Variants in RAB7A observed in about 807,000 individuals in gnomAD.
The protein encoded by RAB7A is ras-related protein Rab-7a.
In RAB7A, 2 loss-of-function variants were observed where a neutral mutation model predicts 24.5. The ratio of observed to expected loss-of-function variants is 0.08; its 90% CI spans 0.03 to 0.26. RAB7A has a LOEUF of 0.26. RAB7A is among the 10% of genes least tolerant of loss of function. The pLI is 1.00. For synonymous variants in RAB7A, 100 were observed against 95.9 expected (o/e 1.04, Z -0.25); for missense variants, 118 against 255.7 (o/e 0.46, Z 3.67).
chr3:128,775,709 T>C (rs1933071853), intron 1 of RAB7A, among the ~76,000 whole-genome samples: 1 of 152,220 alleles, frequency 6.6e-6, no homozygotes, highest in African/African-American at 2.4e-5. Context: ...GGAATATAAA[T>C]CTAGCCCCAT....
intron 1 of RAB7A, among the ~76,000 whole-genome samples, chr3:128,736,208 T>C (rs1048263515): frequency 2.6e-5 from 4 of 152,160 alleles, no homozygotes; most frequent in Non-Finnish European, 4.4e-5. Flanking sequence ...GCTCAGTATC[T>C]TGGAGCCACT....
intron 1 of RAB7A, among the ~76,000 whole-genome samples, chr3:128,727,354 A>G (rs2070391099): frequency 6.6e-6 from 1 of 152,194 alleles, no homozygotes; most frequent in Non-Finnish European, 1.5e-5. Flanking sequence ...GCACTGTATT[A>G]AATTTCTAGG....
At chr3:128,778,215 T>C (rs909016620) in intron 1 of RAB7A, among the ~76,000 whole-genome samples, 2 of 152,210 alleles carry the variant, frequency 1.3e-5, no homozygotes, top group African/African-American at 4.8e-5. Flanking sequence ...AGAGACTGTA[T>C]TTGAGATCAT....
At chr3:128,728,601 T>G (rs1167962529) in intron 1 of RAB7A, among the ~76,000 whole-genome samples, 2 of 152,162 alleles carry the variant, frequency 1.3e-5, no homozygotes, top group East Asian at 3.8e-4. Flanking sequence ...TGGCTGGAAT[T>G]ACAGGCATGC....
At position 128,806,450 on chromosome 3, in the gene RAB7A, G is replaced by T. The variant is rs1412658156; in HGVS notation, c.259G>T (p.Val87Leu). Residue 87 changes from valine to leucine, a missense_variant, in exon 4 of 6, where the codon GTA becomes TTA. By Grantham distance (32) the Val-to-Leu change is conservative (BLOSUM62 1). This residue lies in a region of RAB7A where 52 missense variants were observed against 173.5 expected (regional missense o/e 0.30). Coordinates refer to ENST00000265062, the MANE Select transcript of RAB7A (RefSeq NM_004637.6). ...CAGAGGTGCAGACTGCTGCGTTCTG[G>T]TATTTGATGTGACTGCCCCCAACAC... ...FYRGADCCVL[V>L]FDVTAPNTFK... 6.2e-7 allele frequency: 1 copy of T among 1,613,804 alleles called. No homozygotes were observed. Among genetic ancestry groups the T allele is most frequent in the Non-Finnish European group, 8.5e-7 (1 of 1,179,980 alleles).
intron 1 of RAB7A, among the ~76,000 whole-genome samples, chr3:128,744,997 C>G (rs1344160351): frequency 1.3e-5 from 2 of 151,694 alleles, no homozygotes; most frequent in Non-Finnish European, 2.9e-5. Context: ...CCTCAGCATC[C>G]CGAGTAGCTG....
intron 1 of RAB7A, among the ~76,000 whole-genome samples, chr3:128,756,838 C>T (rs957597354): frequency 5.3e-5 from 8 of 150,718 alleles, no homozygotes; most frequent in African/African-American, 9.8e-5. Flanking sequence ...CCTTAGTATT[C>T]GCTATCTTTT....
intron 1 of RAB7A, among the ~76,000 whole-genome samples, chr3:128,787,186 C>G (rs1933358189): frequency 6.6e-6 from 1 of 152,110 alleles, no homozygotes; most frequent in African/African-American, 2.4e-5. Context: ...TGATTAGGAC[C>G]CAGTTGTTGC....
At chr3:128,755,884 C>T (rs1480094896) in intron 1 of RAB7A, among the ~76,000 whole-genome samples, 2 of 152,052 alleles carry the variant, frequency 1.3e-5, no homozygotes, top group East Asian at 3.9e-4. Context: ...CGTCATTTAG[C>T]ATTAGGTATA....
At chr3:128,773,925 C>T (rs1020766163) in intron 1 of RAB7A, among the ~76,000 whole-genome samples, 2 of 151,324 alleles carry the variant, frequency 1.3e-5, no homozygotes, top group Non-Finnish European at 2.9e-5. Flanking sequence ...TCTCAAGTAC[C>T]CAGGGACACA....
intron 1 of RAB7A, among the ~76,000 whole-genome samples, chr3:128,778,684 G>T (rs1266572780): frequency 2.6e-5 from 4 of 152,168 alleles, no homozygotes; most frequent in African/African-American, 9.7e-5. Context: ...GCATCAACTT[G>T]TTTTAGTAAT....
chr3:128,805,475 T>C (rs1307176275), intron 3 of RAB7A, among the ~76,000 whole-genome samples: 1 of 152,204 alleles, frequency 6.6e-6, no homozygotes, highest in African/African-American at 2.4e-5. Flanking sequence ...AGCATGGCAG[T>C]GAATGAGGTG....
intron 1 of RAB7A, among the ~76,000 whole-genome samples, chr3:128,726,716 C>A (rs1463297508): frequency 3.9e-5 from 6 of 152,180 alleles, no homozygotes; most frequent in Non-Finnish European, 7.4e-5. Flanking sequence ...GCGCGGCGAG[C>A]AGGAGGGTGT....
chr3:128,760,789 T>G (rs2107596038), intron 1 of RAB7A, among the ~76,000 whole-genome samples: 1 of 152,356 alleles, frequency 6.6e-6, no homozygotes, highest in Middle Eastern at 3.4e-3. Flanking sequence ...TTGAAATCTT[T>G]TGTGGTCGAA....
intron 1 of RAB7A, among the ~76,000 whole-genome samples, chr3:128,751,544 GTA>G (rs2070681325): frequency 6.6e-6 from 1 of 152,174 alleles, no homozygotes; most frequent in South Asian, 2.1e-4. Context: ...CAGAACAGCT[GTA>G]TTTACCCAAT....
intron 1 of RAB7A, among the ~76,000 whole-genome samples, chr3:128,763,643 G>A (rs1004199914): frequency 6.6e-6 from 1 of 152,078 alleles, no homozygotes; most frequent in Admixed American, 6.6e-5. Context: ...GCATTGTAAA[G>A]ATACTTTTCC....
chr3:128,760,775 G>A (rs1278770251), intron 1 of RAB7A, among the ~76,000 whole-genome samples: 1 of 152,194 alleles, frequency 6.6e-6, no homozygotes, highest in East Asian at 1.9e-4. Flanking sequence ...AACTAGTGTA[G>A]GCCTTGAAAT....
chr3:128,799,646 A>G (rs1333518043), intron 3 of RAB7A, among the ~76,000 whole-genome samples: 2 of 152,174 alleles, frequency 1.3e-5, no homozygotes, highest in Non-Finnish European at 2.9e-5. Flanking sequence ...ACCTACACAC[A>G]TACACCTAGA....
chr3:128,763,646 A>G lies in RAB7A; in HGVS notation c.-8-31714A>G, dbSNP rs907105106. On this transcript the variant is annotated intron_variant, in intron 1 of 5. Transcript: ENST00000265062. ...AGCCATATCACTGCATTGTAAAGATACTTTTCCTTCCCCTACCCCCATTCC... is the reference window on the plus strand; with the variant it reads ...AGCCATATCACTGCATTGTAAAGATGCTTTTCCTTCCCCTACCCCCATTCC... Among the ~76,000 whole-genome samples the G allele has an allele frequency of 2.6e-5, 4 of 152,098 alleles. No individual in the cohort carries two copies. The South Asian group carries it at 6.2e-4, about 24-fold the overall frequency.
Sources: gnomAD v4.1 joint callset for allele counts (sites outside exome capture counted in the v4.1 genomes callset) on GRCh38, gnomAD v4.1.1 for gene constraint, gnomAD v4.1.1 regional missense constraint, MANE v1.5 for transcripts, NCBI Gene and HGNC (gene_info 2026-07-23, HGNC 2026-07-21) for gene names.